Variants in FBN3 observed in about 807,000 individuals in gnomAD.
FBN3 encodes fibrillin-3.
Under a neutral mutation model 330.1 loss-of-function variants are expected in FBN3, and 234 were observed. The observed-to-expected ratio is 0.71, with a 90% CI of 0.64 to 0.79. The LOEUF is 0.79. FBN3 is among the 30% of genes least tolerant of loss of function. The probability of loss-of-function intolerance (pLI) is 0.00; values close to 1 mark genes in which losing one functional copy is unlikely to be tolerated. For synonymous variants in FBN3, 1,458 were observed against 1,517.3 expected, an observed-to-expected ratio of 0.96 and a Z score of 0.91; for missense variants, 3,606 against 3,886.9, an observed-to-expected ratio of 0.93 and a Z score of 1.92.
intron 47 of FBN3, among the ~76,000 whole-genome samples, chr19:8,093,953 T>C (rs1203802716): frequency 1.3e-5 from 2 of 152,158 alleles, no homozygotes; most frequent in Non-Finnish European, 2.9e-5. Flanking sequence ...CAAGCCAGAC[T>C]GGTCCAGGTT....
chr19:8,127,701 AGGCTGGGCGCTGT>A (rs2083025982), intron 18 of FBN3, among the ~76,000 whole-genome samples: 1 of 152,190 alleles, frequency 6.6e-6, no homozygotes, highest in African/African-American at 2.4e-5. Context: ...AGGATATCAC[AGGCTGGGCGCTGT>A]GGCTTACGCC....
At chr19:8,099,376 G>A (rs1052957269) in intron 41 of FBN3, among the ~76,000 whole-genome samples, 3 of 149,940 alleles carry the variant, frequency 2.0e-5, no homozygotes, top group Non-Finnish European at 3.0e-5. Flanking sequence ...CATCTCCTGG[G>A]TTCACGCCAT....
rs757071494 is a variant in FBN3, at chr19:8,085,461, C to G, written c.6989G>C (p.Arg2330Pro). 6.3e-7 allele frequency: 1 copy of G among 1,579,224 alleles called. No homozygotes were observed. The highest frequency in any genetic ancestry group is 2.3e-5 in the East Asian group (1 of 43,272). ...TRAECCCGGG[R>P]GWGPRCELCP... ...GAGCTCGCAGCGGGGCCCCCAGCCCCGGCCACCCCCACAGCAGCACTCGGC... is the reference window on the plus strand; with the variant it reads ...GAGCTCGCAGCGGGGCCCCCAGCCCGGGCCACCCCCACAGCAGCACTCGGC... The change falls in exon 56 of 64, where the codon CGG becomes CCG. Residue 2330 changes from arginine (R) to proline (P), a missense_variant. Transcript: ENST00000600128.
At chr19:8,110,703 A>T in intron 34 of FBN3, 142 bp downstream of exon 34, 2 of 1,080,392 alleles carry the variant, frequency 1.9e-6, no homozygotes, top group Non-Finnish European at 2.7e-6. Context: ...TGGGGACATC[A>T]GGCAAGGCGC....
At chr19:8,141,177 A>T (rs1241864664) in intron 8 of FBN3, among the ~76,000 whole-genome samples, 2 of 134,734 alleles carry the variant, frequency 1.5e-5, no homozygotes, top group Non-Finnish European at 3.2e-5. Context: ...CCTGGGCGAC[A>T]GAGCGAGACT....
At chr19:8,089,058 GTAAA>G (rs140757081) in intron 51 of FBN3, among the ~76,000 whole-genome samples, 3,432 of 147,310 alleles carry the variant, frequency 0.023, 60 homozygotes, top group Non-Finnish European at 0.033. Context: ...GAATAAGTGA[GTAAA>G]TGAATAAGTG....
In FBN3 at chr19:8,109,382, C is replaced by G. The variant is rs35442268; in HGVS notation, c.4463G>C (p.Arg1488Pro). The G allele has an allele frequency of 1.5e-5, 24 of 1,614,064 alleles. No individual in the cohort carries two copies. Among genetic ancestry groups the G allele is most frequent in the Non-Finnish European group, 2.0e-5 (24 of 1,180,008 alleles). Reference sequence around the variant, plus strand: ...CGTCTCCAGGAAACAGTTCCCGGCCCGAGTGTCTGAACAGGCAGAAGGGGA... The same window carrying G: ...CGTCTCCAGGAAACAGTTCCCGGCCGGAGTGTCTGAACAGGCAGAAGGGGA... ...NPSGVGCVDT[R>P]AGNCFLETHD... Residue 1488 changes from arginine (R) to proline (P), a missense_variant, in exon 36 of 64, where the codon CGG becomes CCG. Transcript: ENST00000600128. This position sits in a 1 kb window ranked among gnomAD's most constrained non-coding sequence, Gnocchi z 5.2.
Position 8,147,187 on chromosome 19 carries a change from C to A in FBN3, c.168-1G>T. Reference sequence around the variant, plus strand: ...GAACCGGGAGCCGCACACATTCGGCCTTCGGGGACAGCGAGATGGGTCTGG... The same window carrying A: ...GAACCGGGAGCCGCACACATTCGGCATTCGGGGACAGCGAGATGGGTCTGG... On this transcript the variant is annotated splice_acceptor_variant, in intron 2 of 63. Coordinates refer to ENST00000600128, the MANE Select transcript of FBN3 (RefSeq NM_032447.5). LOFTEE classifies it high-confidence loss of function. 6.4e-7 allele frequency: 1 copy of A among 1,566,702 alleles called. No individual in the cohort carries two copies. The highest frequency in any genetic ancestry group is 2.4e-5 in the East Asian group (1 of 42,310).
intron 29 of FBN3, 135 bp downstream of exon 29, chr19:8,116,539 C>T (rs948831456): frequency 2.2e-6 from 2 of 929,552 alleles, no homozygotes; most frequent in African/African-American, 3.3e-5. Context: ...TACAAAGCCT[C>T]ATCTTCCTAC....
At chr19:8,095,562 C>T in intron 45 of FBN3, 59 bp from the exon 46 acceptor site, 1 of 1,576,006 alleles carries the variant, frequency 6.3e-7, no homozygotes, top group Non-Finnish European at 8.6e-7. Flanking sequence ...ATCAAACCTT[C>T]CTTGTACTTC....
In FBN3 at chr19:8,147,132, T is replaced by C. The variant is rs1289049455; in HGVS notation, c.222A>G (p.Thr74=). ...CGACACACTGGCTCCTGCCAGGGAA[T>C]GTCCTCCAGCCTGGACAGCAGTAGG... ...FHAYCCPGWR[T]FPGRSQCVVP... Residue 74 remains threonine, a synonymous_variant, in exon 3 of 64, where the codon ACA becomes ACG. Transcript: ENST00000600128. 1 of 1,570,830 alleles carries C rather than the reference T, an allele frequency of 6.4e-7. No homozygotes were observed. The highest frequency in any genetic ancestry group is 8.6e-7 in the Non-Finnish European group (1 of 1,159,810).
At position 8,096,400 on chromosome 19, in the gene FBN3, C is replaced by T. The variant is rs2082209084; in HGVS notation, c.5539+44G>A. On this transcript the variant is annotated intron_variant, in intron 44 of 63. Coordinates refer to ENST00000600128, the MANE Select transcript of FBN3 (RefSeq NM_032447.5). This position sits in a 1 kb window ranked among gnomAD's most constrained non-coding sequence, Gnocchi z 4.6. ...TCCATCCCAGGGGAGGTTTAGACCC[C>T]AGGCAGCCTGGCTTGAAAAGGAGGG... 1 of 1,592,626 alleles carries T rather than the reference C, an allele frequency of 6.3e-7. No homozygotes were observed. The highest frequency in any genetic ancestry group is 8.6e-7 in the Non-Finnish European group (1 of 1,167,698).
At position 8,119,813 on chromosome 19, in the gene FBN3, C is replaced by CTTT. The variant is rs869084219; in HGVS notation, c.3212-794_3212-792dup. ...ACAGGTATGAGCCACCGAGCCCAGC[C>CTTT]TTTTTTTTTTTTTTTTTTTTTTTTT... is the stretch of plus-strand genomic sequence containing the variant. On this transcript the variant is annotated intron_variant, in intron 25 of 63. Transcript: ENST00000600128. Among the ~76,000 whole-genome samples the CTTT allele has an allele frequency of 3.1e-3, 153 of 48,810 alleles. 1 individual carries two copies. The highest frequency in any genetic ancestry group is 4.4e-3 in the Non-Finnish European group (129 of 29,548). The allele number at this position is 48,810 out of a possible 152,430, so 32.0% of individuals were successfully genotyped here. A position where few individuals can be genotyped will look rare whatever the true frequency, so the allele number is the denominator to read the frequency against.
intron 30 of FBN3, among the ~76,000 whole-genome samples, chr19:8,113,298 A>C (rs1467649708): frequency 2.0e-5 from 3 of 152,030 alleles, no homozygotes; most frequent in Non-Finnish European, 4.4e-5. Flanking sequence ...GCATGGTTTC[A>C]CTCTGTCACC....
At chr19:8,144,785 T>G in intron 6 of FBN3, 92 bp downstream of exon 6, 1 of 1,047,056 alleles carries the variant, frequency 9.6e-7, no homozygotes, top group Non-Finnish European at 1.4e-6. Context: ...GCTGGTTCCT[T>G]TCAAGGCCTG....
At chr19:8,119,468 G>T (rs1406677724) in intron 25 of FBN3, among the ~76,000 whole-genome samples, 2 of 152,104 alleles carry the variant, frequency 1.3e-5, no homozygotes, top group Non-Finnish European at 1.5e-5. Flanking sequence ...CTGTTCTCCA[G>T]TGTCTTCACC....
chr19:8,126,408 GA>G, intron 20 of FBN3, 59 bp downstream of exon 20: 1 of 1,588,990 alleles, frequency 6.3e-7, no homozygotes, highest in African/African-American at 1.3e-5. Flanking sequence ...CCCAAGGGGG[GA>G]CCCGCCCCAT....
chr19:8,124,956 C>T (rs2082944140), intron 22 of FBN3, among the ~76,000 whole-genome samples: 1 of 152,212 alleles, frequency 6.6e-6, no homozygotes, highest in South Asian at 2.1e-4. Context: ...CCCTAAGGTG[C>T]TCTATGGACT....
chr19:8,099,830 G>A (rs2082289349), intron 41 of FBN3, among the ~76,000 whole-genome samples: 1 of 151,630 alleles, frequency 6.6e-6, no homozygotes. Flanking sequence ...GACCAACATG[G>A]TGAAACCCTG....
Sources: allele counts gnomAD v4.1 joint callset (sites outside exome capture counted in the v4.1 genomes callset), GRCh38; gene constraint gnomAD v4.1.1; non-coding constraint Gnocchi (gnomAD v3.1); transcripts MANE v1.5; gene names NCBI Gene and HGNC (gene_info 2026-07-23, HGNC 2026-07-21).